Variants in AUTS2 observed in about 807,000 individuals in gnomAD.
AUTS2 encodes the protein autism susceptibility gene 2 protein.
In AUTS2, 17 loss-of-function variants were observed where a neutral mutation model predicts 112.4. The ratio of observed to expected loss-of-function variants is 0.15; its 90% CI spans 0.10 to 0.23. The LOEUF is 0.23. AUTS2 is among the 10% of genes least tolerant of loss of function. AUTS2 has a pLI of 1.00. For missense variants in AUTS2, 1,510 were observed against 1,701.6 expected (o/e 0.89, Z 1.98); for synonymous variants, 751 against 702.7 (o/e 1.07, Z -1.09).
intron 1 of AUTS2, among the ~76,000 whole-genome samples, chr7:69,864,014 A>G (rs544123046): frequency 5.3e-5 from 8 of 152,306 alleles, no homozygotes; most frequent in African/African-American, 1.9e-4. Context: ...ATACCAGGAA[A>G]TAATGCAGGG....
intron 4 of AUTS2, among the ~76,000 whole-genome samples, chr7:70,218,447 AG>A (rs1409774126): frequency 6.6e-6 from 1 of 152,146 alleles, no homozygotes; most frequent in Non-Finnish European, 1.5e-5. Flanking sequence ...GGGCACAGTA[AG>A]ATGGCTCTGA....
chr7:69,858,916 T>G (rs1415215891), intron 1 of AUTS2, among the ~76,000 whole-genome samples: 12 of 152,350 alleles, frequency 7.9e-5, no homozygotes, highest in African/African-American at 2.9e-4. Context: ...CTGGATATCA[T>G]GTAGGTACTA....
intron 2 of AUTS2, among the ~76,000 whole-genome samples, chr7:69,904,813 T>C (rs1028623544): frequency 6.6e-6 from 1 of 152,186 alleles, no homozygotes; most frequent in Admixed American, 6.5e-5. Context: ...TTGCCTAAAG[T>C]ATAGAAATAA....
At chr7:70,098,446 C>G (rs2129568947) in intron 2 of AUTS2, among the ~76,000 whole-genome samples, 1 of 152,256 alleles carries the variant, frequency 6.6e-6, no homozygotes, top group Non-Finnish European at 1.5e-5. Flanking sequence ...AGTGGATATG[C>G]TTAGACACCA....
At chr7:69,978,250 A>G (rs1371947493) in intron 2 of AUTS2, among the ~76,000 whole-genome samples, 1 of 152,222 alleles carries the variant, frequency 6.6e-6, no homozygotes, top group African/African-American at 2.4e-5. Context: ...TTGCATCTTC[A>G]TACCCTTTAT....
Position 70,787,418 on chromosome 7 carries a change from G to C in AUTS2, c.2518G>C (p.Asp840His), listed in dbSNP as rs1791578991. 2 of 1,611,618 alleles carry C rather than the reference G, an allele frequency of 1.2e-6. No homozygotes were observed. The highest frequency in any genetic ancestry group is 1.7e-6 in the Non-Finnish European group (2 of 1,178,458). Residue 840 changes from aspartate (D) to histidine (H), a missense_variant, in exon 18 of 19, where the codon GAT becomes CAT. Asp to His is a moderately conservative substitution (Grantham distance 81). Around this residue, in one of 3 missense-constraint regions of AUTS2, gnomAD observed 788 missense variants for 797.6 expected, o/e 0.99. Transcript: ENST00000342771. ...TAAACGAGACTCATCTGTTAGTAAA[G>C]ATGACAAAGAAAGGTACGGAAAGAA... is the stretch of plus-strand genomic sequence containing the variant. Reference protein sequence around the residue: ...VDKRDSSVSKDDKERESVEKR... With the variant: ...VDKRDSSVSKHDKERESVEKR...
chr7:70,452,905 G>A (rs1163568199), intron 5 of AUTS2, among the ~76,000 whole-genome samples: 2 of 152,088 alleles, frequency 1.3e-5, no homozygotes, highest in African/African-American at 4.8e-5. Flanking sequence ...TTTTCCTTTA[G>A]AGGAGGCTTT....
intron 4 of AUTS2, among the ~76,000 whole-genome samples, chr7:70,388,440 A>G (rs1287409435): frequency 1.3e-5 from 2 of 152,218 alleles, no homozygotes; most frequent in Non-Finnish European, 2.9e-5. Flanking sequence ...AATATAGAAG[A>G]TGTAAAAAAC....
intron 1 of AUTS2, among the ~76,000 whole-genome samples, chr7:69,636,209 C>G (rs770252718): frequency 7.2e-5 from 11 of 152,198 alleles, no homozygotes; most frequent in Non-Finnish European, 1.2e-4. Flanking sequence ...CATAGATAAG[C>G]AAGGAAGAAA....
intron 5 of AUTS2, among the ~76,000 whole-genome samples, chr7:70,491,227 C>G (rs2116411649): frequency 6.6e-6 from 1 of 152,238 alleles, no homozygotes; most frequent in East Asian, 1.9e-4. Context: ...CACACTCTCT[C>G]TCTCTATCTC....
chr7:70,432,139 T>C (rs1427549796), intron 4 of AUTS2, among the ~76,000 whole-genome samples: 4 of 152,240 alleles, frequency 2.6e-5, no homozygotes, highest in Non-Finnish European at 5.9e-5. Context: ...CACCTCAAGC[T>C]GGTAGTTAGT....
chr7:69,645,994 TC>T (rs1470446960), intron 1 of AUTS2, among the ~76,000 whole-genome samples: 1 of 151,170 alleles, frequency 6.6e-6, no homozygotes, highest in Non-Finnish European at 1.5e-5. Context: ...TTCTCCTTCT[TC>T]CCCTACCTCC....
chr7:69,831,769 T>C (rs1391664431), intron 1 of AUTS2, among the ~76,000 whole-genome samples: 2 of 152,126 alleles, frequency 1.3e-5, no homozygotes, highest in East Asian at 3.9e-4. Context: ...AAAATAAACC[T>C]CAGAGGGCTT....
At chr7:70,397,475 T>A (rs1413760915) in intron 4 of AUTS2, among the ~76,000 whole-genome samples, 1 of 152,220 alleles carries the variant, frequency 6.6e-6, no homozygotes, top group Non-Finnish European at 1.5e-5. Context: ...GTTTTCCATA[T>A]GTATATCTTT....
chr7:70,762,689 T>C (rs1056874956), intron 6 of AUTS2, among the ~76,000 whole-genome samples, 181 bp from the exon 7 acceptor site: 2 of 152,168 alleles, frequency 1.3e-5, no homozygotes, highest in African/African-American at 2.4e-5. Flanking sequence ...CTGTCCACCA[T>C]TGACCCCATT....
intron 1 of AUTS2, among the ~76,000 whole-genome samples, chr7:69,826,095 C>T (rs920683551): frequency 1.3e-5 from 2 of 152,120 alleles, no homozygotes; most frequent in Non-Finnish European, 2.9e-5. Context: ...GGTCCTGCAG[C>T]TATAGTTATT....
chr7:70,652,915 C>A (rs924772549), intron 5 of AUTS2, among the ~76,000 whole-genome samples: 1 of 152,098 alleles, frequency 6.6e-6, no homozygotes, highest in South Asian at 2.1e-4. Flanking sequence ...TTCCTGATAT[C>A]GTTTATATGA....
At chr7:69,894,479 A>G (rs1044661313) in intron 1 of AUTS2, among the ~76,000 whole-genome samples, 1 of 152,030 alleles carries the variant, frequency 6.6e-6, no homozygotes, top group Non-Finnish European at 1.5e-5. Flanking sequence ...TGAAGACCCA[A>G]AAAGTGGCAA....
At chr7:70,401,345 T>G (rs1794318778) in intron 4 of AUTS2, among the ~76,000 whole-genome samples, 1 of 151,730 alleles carries the variant, frequency 6.6e-6, no homozygotes, top group Non-Finnish European at 1.5e-5. Flanking sequence ...ATGTGTAGTT[T>G]GAGGGGGAAA....
Sources: gnomAD v4.1 joint callset for allele counts (sites outside exome capture counted in the v4.1 genomes callset) on GRCh38, gnomAD v4.1.1 for gene constraint, gnomAD v4.1.1 regional missense constraint, MANE v1.5 for transcripts, NCBI Gene and HGNC (gene_info 2026-07-23, HGNC 2026-07-21) for gene names.